The following ATL3 variants were observed in gnomAD, a reference collection of about 807,000 sequenced individuals.
The protein encoded by ATL3 is atlastin GTPase 3.
ATL3 carries 49 observed loss-of-function variants against 69.5 expected under a neutral mutation model. The ratio of observed to expected loss-of-function variants is 0.71; its 90% CI spans 0.56 to 0.89. The LOEUF (loss-of-function observed/expected upper bound fraction) is 0.89. Among genes scored for constraint, ATL3 ranks in the 40% least tolerant of loss-of-function variants. The pLI is 0.00. For missense variants in ATL3, 606 were observed against 645.7 expected (o/e 0.94, Z 0.67); for synonymous variants, 214 against 224.1 (o/e 0.95, Z 0.40).
At chr11:63,635,446 A>G in intron 10 of ATL3, 88 bp downstream of exon 10, 1 of 1,167,276 alleles carries the variant, frequency 8.6e-7, no homozygotes, top group Non-Finnish European at 1.2e-6. Flanking sequence ...GAAAAAGTGC[A>G]TTCTCTTCCT....
At chr11:63,664,454 C>G (rs1187507953) in intron 1 of ATL3, among the ~76,000 whole-genome samples, 4 of 151,322 alleles carry the variant, frequency 2.6e-5, no homozygotes, top group Non-Finnish European at 4.4e-5. Flanking sequence ...GCAGGAGAAT[C>G]GCTTGAACCC....
chr11:63,635,119 G>A (rs959959900), intron 10 of ATL3, among the ~76,000 whole-genome samples: 16 of 152,004 alleles, frequency 1.1e-4, no homozygotes, highest in African/African-American at 3.6e-4. Flanking sequence ...CCAAGATTGT[G>A]CCACTGCACT....
At position 63,631,228 on chromosome 11, in the gene ATL3, T is replaced by A. The variant is rs1565267630; in HGVS notation, c.1351A>T (p.Ile451Phe). 1 of 1,614,090 alleles carries A rather than the reference T, an allele frequency of 6.2e-7. No individual in the cohort carries two copies. Among genetic ancestry groups the A allele is most frequent in the Non-Finnish European group, 8.5e-7 (1 of 1,180,034 alleles). ...FRTPAVLFTG[I>F]VALYIASGLT... ...CCTGAGGCTATGTACAAAGCTACAA[T>A]GCCCGTGAACAGCACTGCAGGGGTT... The change falls in exon 12 of 13, where the codon ATT becomes TTT. Residue 451 changes from isoleucine (I) to phenylalanine (F), a missense_variant. Physicochemically the swap from Ile to Phe is conservative, Grantham distance 21. Transcript: ENST00000398868.
chr11:63,638,687 A>C (rs1322108869), intron 8 of ATL3, among the ~76,000 whole-genome samples: 5 of 152,046 alleles, frequency 3.3e-5, no homozygotes, highest in South Asian at 2.1e-4. Flanking sequence ...CCTGGGCAAC[A>C]GAGTGTAGAC....
rs1038965544 is a variant in ATL3 at position 63,625,455 on chromosome 11, T to A, written c.*3864A>T. The A allele has an allele frequency of 1.3e-5, 2 of 152,194 alleles. No individual in the cohort carries two copies. Among genetic ancestry groups the A allele is most frequent in the African/African-American group, 4.8e-5 (2 of 41,464 alleles). 9.4% of individuals were successfully genotyped at this position (152,194 alleles called of 1,614,324 possible). On this transcript the variant is annotated 3_prime_UTR_variant, in exon 13 of 13. Coordinates refer to ENST00000398868, the MANE Select transcript of ATL3 (RefSeq NM_015459.5). ...ACTGTTTTATTAAAGTTTTAATTTT[T>A]AAAAAATTAAAAAATTAAAACTGTT...
chr11:63,661,300 A>G (rs988083571), intron 1 of ATL3, among the ~76,000 whole-genome samples: 1 of 152,146 alleles, frequency 6.6e-6, no homozygotes, highest in Non-Finnish European at 1.5e-5. Context: ...ATAAGCTCAA[A>G]AAGATCTTTA....
At chr11:63,634,242 C>G (rs1322465919) in intron 10 of ATL3, among the ~76,000 whole-genome samples, 1 of 150,418 alleles carries the variant, frequency 6.6e-6, no homozygotes, top group Non-Finnish European at 1.5e-5. Context: ...CGCGGTGACT[C>G]ACGCCTGTAA....
At chr11:63,669,358 A>C (rs1940700199) in intron 1 of ATL3, among the ~76,000 whole-genome samples, 1 of 151,756 alleles carries the variant, frequency 6.6e-6, no homozygotes, top group Non-Finnish European at 1.5e-5. Flanking sequence ...AACATGGTGA[A>C]ACCCCGTCTC....
At position 63,626,615 on chromosome 11, in the gene ATL3, T is replaced by A. The variant is rs538010664; in HGVS notation, c.*2704A>T. On this transcript the variant is annotated 3_prime_UTR_variant, in exon 13 of 13. Transcript: ENST00000398868. ...ATTTTGGAAGCCTCCTTTTATATAT[T>A]CATAGGAATGAGTTCCATATATTGT... The A allele has an allele frequency of 6.6e-6, 1 of 152,182 alleles. No individual in the cohort carries two copies. Among genetic ancestry groups the A allele is most frequent in the African/African-American group, 2.4e-5 (1 of 41,432 alleles). The allele number at this position is 152,182 out of a possible 1,614,324, so 9.4% of individuals were successfully genotyped here.
chr11:63,635,297 A>C lies in ATL3; in HGVS notation c.1035+237T>G, dbSNP rs1027181440. On this transcript the variant is annotated intron_variant, in intron 10 of 12. Transcript: ENST00000398868. ...GCTTCCCAAAGTGTGTTTGGTGAAA[A>C]GACTAGGCCCAGTGAGGAGAGGCCA... 2.6e-5 allele frequency among the ~76,000 whole-genome samples: 4 copies of C among 152,200 alleles called. No homozygotes were observed. The South Asian group carries it at 8.3e-4, about 32-fold the overall frequency.
rs1939223485 is a variant in ATL3, at chr11:63,629,256, T to C, written c.*63A>G. On this transcript the variant is annotated 3_prime_UTR_variant, in exon 13 of 13. Coordinates refer to ENST00000398868, the MANE Select transcript of ATL3 (RefSeq NM_015459.5). ...TCCTCTGGATATGAACCTGTGGCCG[T>C]GGCAGAAACCCAGAAATCAGTAGGG... 7.3e-7 allele frequency: 1 copy of C among 1,375,360 alleles called. No homozygotes were observed. Among genetic ancestry groups the C allele is most frequent in the Non-Finnish European group, 1.0e-6 (1 of 963,772 alleles). The allele number at this position is 1,375,360 out of a possible 1,614,324, so 85.2% of individuals were successfully genotyped here.
chr11:63,667,657 G>A (rs1940616788), intron 1 of ATL3, among the ~76,000 whole-genome samples: 1 of 151,814 alleles, frequency 6.6e-6, no homozygotes, highest in South Asian at 2.1e-4. Context: ...CCAGCTACTC[G>A]GGAGGCTGAA....
At chr11:63,634,195 AAAAAAAAAG>A (rs1191915934) in intron 10 of ATL3, among the ~76,000 whole-genome samples, 1 of 149,666 alleles carries the variant, frequency 6.7e-6, no homozygotes, top group African/African-American at 2.5e-5. Flanking sequence ...TAAAAAAAAA[AAAAAAAAAG>A]AAGAAGAAGA....
intron 7 of ATL3, among the ~76,000 whole-genome samples, chr11:63,643,755 A>T (rs891454984): frequency 1.3e-5 from 2 of 152,238 alleles, no homozygotes; most frequent in African/African-American, 4.8e-5. Context: ...GGGATGAAGG[A>T]GGATCTAACC....
intron 11 of ATL3, chr11:63,632,448 T>C: frequency 2.4e-6 from 2 of 830,178 alleles, no homozygotes; most frequent in South Asian, 1.3e-5. Context: ...GCCCAAGTGA[T>C]CCAACATCAA....
In ATL3 at chr11:63,646,539, C is replaced by T. The variant is rs1939887010; in HGVS notation, c.586G>A (p.Ala196Thr). 2 of 1,604,264 alleles carry T rather than the reference C, an allele frequency of 1.2e-6. No homozygotes were observed. The highest frequency in any genetic ancestry group is 8.5e-7 in the Non-Finnish European group (1 of 1,174,898). Residue 196 changes from alanine to threonine, a missense_variant, in exon 6 of 13, where the codon GCA becomes ACA. Physicochemically the swap from Ala to Thr is moderately conservative, Grantham distance 58. Coordinates refer to ENST00000398868, the MANE Select transcript of ATL3 (RefSeq NM_015459.5). Reference sequence around the variant, plus strand: ...GGCTTTTGGAAAATTTCATCCATTGCCAGACGACCGTATTCTGTGAAGAGC... The same window carrying T: ...GGCTTTTGGAAAATTTCATCCATTGTCAGACGACCGTATTCTGTGAAGAGC... Reference protein sequence around the residue: ...LQLFTEYGRLAMDEIFQKPFQ... With the variant: ...LQLFTEYGRLTMDEIFQKPFQ...
chr11:63,671,285 C>A lies in ATL3; in HGVS notation c.46+5G>T, dbSNP rs1245876329. ...GGGGCGATCCAGGGAAAATCGGCGCCTCACCTGCTCCTCTTGAGGCAGCTG... is the reference window on the plus strand; with the variant it reads ...GGGGCGATCCAGGGAAAATCGGCGCATCACCTGCTCCTCTTGAGGCAGCTG... On this transcript the variant is annotated splice_donor_5th_base_variant and intron_variant, in intron 1 of 12. Coordinates refer to ENST00000398868, the MANE Select transcript of ATL3 (RefSeq NM_015459.5). 1.9e-6 allele frequency: 3 copies of A among 1,581,144 alleles called. No individual in the cohort carries two copies. Among genetic ancestry groups the A allele is most frequent in the Non-Finnish European group, 2.6e-6 (3 of 1,165,936 alleles).
intron 11 of ATL3, chr11:63,632,090 A>G: frequency 3.8e-6 from 1 of 262,862 alleles, no homozygotes; most frequent in Non-Finnish European, 7.6e-6. Context: ...GATTCCTGAA[A>G]TCATGGATCA....
At position 63,643,341 on chromosome 11, in the gene ATL3, A is replaced by G. The variant is rs762116507; in HGVS notation, c.850+16T>C. On this transcript the variant is annotated intron_variant, in intron 8 of 12. Transcript: ENST00000398868. ...AAAGATCGAATCACAGGTTTAAAATAACACCTGGAACACACCTTTTAATTT... is the reference window on the plus strand; with the variant it reads ...AAAGATCGAATCACAGGTTTAAAATGACACCTGGAACACACCTTTTAATTT... 1 of 1,567,078 alleles carries G rather than the reference A, an allele frequency of 6.4e-7. No individual in the cohort carries two copies. The highest frequency in any genetic ancestry group is 1.4e-5 in the African/African-American group (1 of 72,846).
Sources: gnomAD v4.1 joint callset for allele counts (sites outside exome capture counted in the v4.1 genomes callset) on GRCh38, gnomAD v4.1.1 for gene constraint, MANE v1.5 for transcripts, NCBI Gene and HGNC (gene_info 2026-07-23, HGNC 2026-07-21) for gene names.